Variants in SRSF4 observed in about 807,000 individuals in gnomAD.
The protein encoded by SRSF4 is serine/arginine-rich splicing factor 4.
In SRSF4, 12 loss-of-function variants were observed where a neutral mutation model predicts 48.8. The ratio of observed to expected loss-of-function variants is 0.25; its 90% CI spans 0.16 to 0.40. The LOEUF is 0.40. SRSF4 is among the 10% of genes least tolerant of loss of function. The probability of loss-of-function intolerance (pLI) is 1.00; values close to 1 mark genes in which losing one functional copy is unlikely to be tolerated. For synonymous variants in SRSF4, 248 were observed against 232.5 expected (o/e 1.07, Z -0.61); for missense variants, 466 against 667.1 (o/e 0.70, Z 3.32).
intron 4 of SRSF4, among the ~76,000 whole-genome samples, chr1:29,153,596 T>G (rs1001535903): frequency 6.6e-6 from 1 of 151,574 alleles, no homozygotes; most frequent in African/African-American, 2.4e-5. Context: ...GGCCTCTGAT[T>G]TCCATTTTTT....
intron 1 of SRSF4, among the ~76,000 whole-genome samples, chr1:29,175,693 T>TAA (rs1672830448): frequency 4.0e-4 from 1 of 2,506 alleles, no homozygotes; most frequent in African/African-American, 8.4e-4. Flanking sequence ...AGACGCTGTC[T>TAA]CAAAAAAAAA....
chr1:29,172,317 CAG>C (rs1215359316), intron 1 of SRSF4: 1 of 151,856 alleles, frequency 6.6e-6, no homozygotes, highest in Non-Finnish European at 1.5e-5. Flanking sequence ...ATTTTTGAGA[CAG>C]AGTCTCACTC....
intron 2 of SRSF4, chr1:29,159,705 A>T (rs1672563153): frequency 2.7e-6 from 1 of 369,106 alleles, no homozygotes; most frequent in African/African-American, 2.1e-5. Flanking sequence ...ATATTCATTA[A>T]TATTTGCATT....
intron 1 of SRSF4, among the ~76,000 whole-genome samples, chr1:29,174,998 A>T (rs1035864387): frequency 4.6e-5 from 7 of 150,980 alleles, no homozygotes; most frequent in African/African-American, 1.7e-4. Context: ...AAAAAAAAAA[A>T]AAAGAAAAGA....
intron 1 of SRSF4, among the ~76,000 whole-genome samples, chr1:29,177,283 G>GT (rs397934546): frequency 0.21 from 28,851 of 137,738 alleles, 3,373 homozygotes; most frequent in Non-Finnish European, 0.29. Flanking sequence ...AACTCTTTTT[G>GT]TTTTTTTTTT....
chr1:29,177,893 ATTTTTT>A (rs397979781), intron 1 of SRSF4, among the ~76,000 whole-genome samples: 18 of 93,622 alleles, frequency 1.9e-4, no homozygotes, highest in African/African-American at 5.3e-4. Context: ...ATTACACAAG[ATTTTTT>A]TTTTTTTTTT....
At chr1:29,167,489 G>T (rs1328274404) in intron 1 of SRSF4, among the ~76,000 whole-genome samples, 2 of 152,164 alleles carry the variant, frequency 1.3e-5, no homozygotes, top group African/African-American at 4.8e-5. Flanking sequence ...GGTTCAAGCA[G>T]TTCTCCTGCC....
intron 4 of SRSF4, among the ~76,000 whole-genome samples, chr1:29,153,120 G>C (rs936500732): frequency 6.6e-6 from 1 of 151,898 alleles, no homozygotes; most frequent in African/African-American, 2.4e-5. Context: ...TGAGTTTCAG[G>C]GGGGCAAGGA....
chr1:29,169,536 C>A (rs917198172), intron 1 of SRSF4: 1 of 152,124 alleles, frequency 6.6e-6, no homozygotes, highest in Non-Finnish European at 1.5e-5. Context: ...ACAAGTGGAA[C>A]CAAACCCATA....
At position 29,154,884 on chromosome 1, in the gene SRSF4, C is replaced by G. The variant is rs746199462; in HGVS notation, c.390G>C (p.Val130=). The G allele has an allele frequency of 2.5e-6, 4 of 1,613,982 alleles. No individual in the cohort carries two copies. The East Asian group carries it at 8.9e-5, about 36-fold the overall frequency. ...GTCCCTTGTGAGCATCTGCATAAGT[C>G]ACTTCTCCTGCCTGACGCATATAAT... ...LKDYMRQAGE[V]TYADAHKGRK... The change falls in exon 4 of 6, where the codon GTG becomes GTC. Residue 130 remains valine, a synonymous_variant. Coordinates refer to ENST00000373795, the MANE Select transcript of SRSF4 (RefSeq NM_005626.5).
At chr1:29,151,491 C>T (rs1321752543) in intron 4 of SRSF4, among the ~76,000 whole-genome samples, 2 of 152,044 alleles carry the variant, frequency 1.3e-5, no homozygotes, top group African/African-American at 4.8e-5. Flanking sequence ...AGCAAGAGTC[C>T]GTCTCAAACA....
chr1:29,171,543 A>G (rs1211990314), intron 1 of SRSF4: 1 of 151,864 alleles, frequency 6.6e-6, no homozygotes, highest in Non-Finnish European at 1.5e-5. Flanking sequence ...ACTTGTTCAT[A>G]AAGTACTTTG....
chr1:29,155,725 T>C (rs1672489881), intron 3 of SRSF4, among the ~76,000 whole-genome samples: 1 of 152,140 alleles, frequency 6.6e-6, no homozygotes, highest in African/African-American at 2.4e-5. Flanking sequence ...ACTCCTGAGC[T>C]CAGGCAATCC....
chr1:29,171,831 CATACAGT>C (rs1262974953), intron 1 of SRSF4: 1 of 152,114 alleles, frequency 6.6e-6, no homozygotes, highest in Non-Finnish European at 1.5e-5. Context: ...CCCTTAAATT[CATACAGT>C]ACCTCAATGA....
intron 2 of SRSF4, 63 bp from the exon 3 acceptor site, chr1:29,159,549 C>T: frequency 9.1e-7 from 1 of 1,102,856 alleles, no homozygotes; most frequent in Non-Finnish European, 1.4e-6. Context: ...AATGACACAG[C>T]ACACACCCCC....
intron 2 of SRSF4, 68 bp from the exon 3 acceptor site, chr1:29,159,554 ACC>A: frequency 2.0e-6 from 2 of 1,000,196 alleles, no homozygotes; most frequent in Non-Finnish European, 3.0e-6. Flanking sequence ...CACAGCACAC[ACC>A]CCCCCTTAAA....
At chr1:29,158,417 C>A (rs1165776912) in intron 3 of SRSF4, among the ~76,000 whole-genome samples, 2 of 149,950 alleles carry the variant, frequency 1.3e-5, no homozygotes, top group African/African-American at 4.9e-5. Context: ...AGCTACACTG[C>A]CATCTTCTTG....
chr1:29,167,400 T>A (rs1160070412), intron 1 of SRSF4, among the ~76,000 whole-genome samples: 1 of 152,222 alleles, frequency 6.6e-6, no homozygotes, highest in East Asian at 1.9e-4. Context: ...TTTTTGTTTT[T>A]TTGAGATGGA....
At chr1:29,158,002 G>A (rs1273936422) in intron 3 of SRSF4, among the ~76,000 whole-genome samples, 2 of 152,006 alleles carry the variant, frequency 1.3e-5, no homozygotes, top group African/African-American at 4.8e-5. Flanking sequence ...GTGAAACCCC[G>A]CCTCTACTAA....
Sources: allele counts gnomAD v4.1 joint callset (sites outside exome capture counted in the v4.1 genomes callset), GRCh38; gene constraint gnomAD v4.1.1; transcripts MANE v1.5; gene names NCBI Gene and HGNC (gene_info 2026-07-23, HGNC 2026-07-21).